SVOPL: variants seen among roughly 807,000 people sequenced by gnomAD.
The protein encoded by SVOPL is putative transporter SVOPL.
A neutral mutation model predicts 61.0 loss-of-function variants in SVOPL; 60 were observed. The ratio of observed to expected loss-of-function variants is 0.98; its 90% confidence interval spans 0.80 to 1.22. SVOPL has a LOEUF of 1.22. Ranked by LOEUF, SVOPL falls within the 50% of genes most tolerant of loss-of-function variation. The pLI is 0.00. For missense variants in SVOPL, 662 were observed against 643.9 expected, an observed-to-expected ratio of 1.03 and a Z score of -0.30; for synonymous variants, 279 against 250.0, an observed-to-expected ratio of 1.12 and a Z score of -1.09.
chr7:138,640,827 T>C (rs1352823861), intron 9 of SVOPL, among the ~76,000 whole-genome samples: 1 of 152,118 alleles, frequency 6.6e-6, no homozygotes, highest in Non-Finnish European at 1.5e-5. Flanking sequence ...ACTGCCTGGA[T>C]GACAGGATCA....
intron 14 of SVOPL, among the ~76,000 whole-genome samples, chr7:138,606,591 T>C (rs561065250): frequency 6.6e-6 from 1 of 152,222 alleles, no homozygotes; most frequent in African/African-American, 2.4e-5. Context: ...CAAAGGCATC[T>C]CCACATTGGG....
At chr7:138,687,027 C>T (rs1010640450) in intron 1 of SVOPL, among the ~76,000 whole-genome samples, 11 of 152,096 alleles carry the variant, frequency 7.2e-5, no homozygotes, top group Non-Finnish European at 1.5e-4. Flanking sequence ...TTCTCCCTCT[C>T]AAGAGCGAAC....
chr7:138,609,719 T>C (rs370695475), intron 14 of SVOPL, among the ~76,000 whole-genome samples: 6 of 55,016 alleles, frequency 1.1e-4, no homozygotes, highest in African/African-American at 3.2e-4. Context: ...GTTTTTTTTT[T>C]GGGGGGGGTG....
intron 1 of SVOPL, among the ~76,000 whole-genome samples, chr7:138,693,685 AAAG>A (rs1412109908): frequency 2.6e-5 from 4 of 151,854 alleles, no homozygotes; most frequent in Non-Finnish European, 5.9e-5. Context: ...GCGAGGAAGG[AAAG>A]AAGGAAGGAA....
rs1440941274 is a variant in SVOPL at position 138,656,442 on chromosome 7, C to A, written c.534+6G>T. 1 of 1,613,770 alleles carries A rather than the reference C, an allele frequency of 6.2e-7. No homozygotes were observed. The highest frequency in any genetic ancestry group is 1.1e-5 in the South Asian group (1 of 91,038). ...AAAGGCAGGTAGAACTCCTACGTTG[C>A]CTTACCTGAGACAAGGGTAACATAT... On this transcript the variant is annotated splice_donor_region_variant and intron_variant, in intron 7 of 15. Coordinates refer to ENST00000674285, the MANE Select transcript of SVOPL (RefSeq NM_001139456.2).
intron 9 of SVOPL, among the ~76,000 whole-genome samples, chr7:138,644,416 C>T (rs1246642236): frequency 6.6e-6 from 1 of 151,880 alleles, no homozygotes; most frequent in Non-Finnish European, 1.5e-5. Context: ...AAAACAAGGC[C>T]AGTACAAAAA....
At position 138,621,062 on chromosome 7, in the gene SVOPL, G is replaced by A. The variant is rs760056897; in HGVS notation, c.1337C>T (p.Ala446Val). Residue 446 changes from alanine to valine, a missense_variant, in exon 14 of 16, where the codon GCA becomes GTA. Physicochemically the swap from Ala to Val is moderately conservative, Grantham distance 64. Transcript: ENST00000674285. ...GSLCRIGAMV[A>V]PFISQVLMSA... ...TGGCTGTACCTGGGATATAAATGGT[G>A]CCACCATTGCACCAATGCGACACAG... is the stretch of plus-strand genomic sequence containing the variant. 7.1e-5 allele frequency: 114 copies of A among 1,613,408 alleles called. No homozygotes were observed. Among genetic ancestry groups the A allele is most frequent in the Non-Finnish European group, 8.8e-5 (104 of 1,179,800 alleles).
At chr7:138,629,127 A>ATATGTGTGTGTG (rs1554459931) in intron 10 of SVOPL, among the ~76,000 whole-genome samples, 1 of 66,098 alleles carries the variant, frequency 1.5e-5, no homozygotes, top group Non-Finnish European at 3.3e-5. Flanking sequence ...TGTTTTATAT[A>ATATGTGTGTGTG]TGTGTGTGTG....
At chr7:138,621,208 T>A in intron 13 of SVOPL, 73 bp from the exon 14 acceptor site, 1 of 1,329,836 alleles carries the variant, frequency 7.5e-7, no homozygotes, top group African/African-American at 1.5e-5. Flanking sequence ...TTCCCCTTCC[T>A]CCCCAGGTCA....
chr7:138,648,814 C>CG (rs1801270121), intron 8 of SVOPL, among the ~76,000 whole-genome samples, 198 bp downstream of exon 8: 2 of 151,974 alleles, frequency 1.3e-5, no homozygotes, highest in South Asian at 4.2e-4. Flanking sequence ...CCCAGCTACT[C>CG]GGGAGGCTGA....
chr7:138,671,698 T>C (rs1283697684), intron 4 of SVOPL, among the ~76,000 whole-genome samples: 2 of 152,208 alleles, frequency 1.3e-5, no homozygotes, highest in Non-Finnish European at 2.9e-5. Flanking sequence ...AGTAACAGTA[T>C]AATTCAGCGA....
intron 5 of SVOPL, chr7:138,662,655 G>A: frequency 1.0e-6 from 1 of 1,002,646 alleles, no homozygotes; most frequent in Non-Finnish European, 1.2e-6. Flanking sequence ...GAGAACAGAT[G>A]TGTGCCCCCA....
chr7:138,600,149 G>A (rs957217102), intron 14 of SVOPL, among the ~76,000 whole-genome samples: 3 of 152,074 alleles, frequency 2.0e-5, no homozygotes, highest in Non-Finnish European at 1.5e-5. Context: ...ATGATACATG[G>A]CTAATAGCCT....
chr7:138,631,969 CACACACACACACACAT>C (rs943059616), intron 9 of SVOPL, among the ~76,000 whole-genome samples: 5 of 151,838 alleles, frequency 3.3e-5, no homozygotes, highest in Admixed American at 6.6e-5. Context: ...ATCACACACA[CACACACACACACACAT>C]ACACACACCC....
intron 1 of SVOPL, chr7:138,688,986 T>G: frequency 1.5e-6 from 1 of 648,012 alleles, no homozygotes; most frequent in Non-Finnish European, 2.9e-6. Flanking sequence ...TGAAATGGTT[T>G]GCTATTCACT....
intron 14 of SVOPL, among the ~76,000 whole-genome samples, chr7:138,599,873 G>C (rs1171393726): frequency 7.2e-6 from 1 of 139,438 alleles, no homozygotes; most frequent in Non-Finnish European, 1.5e-5. Flanking sequence ...GGACGATGGA[G>C]CGAGACTCCG....
chr7:138,661,491 G>T, intron 5 of SVOPL: 1 of 980,384 alleles, frequency 1.0e-6, no homozygotes, highest in African/African-American at 1.7e-5. Context: ...TCACATTCCC[G>T]CACCCATGCC....
intron 1 of SVOPL, among the ~76,000 whole-genome samples, chr7:138,692,689 A>C (rs1348562534): frequency 1.3e-5 from 2 of 152,214 alleles, no homozygotes; most frequent in Non-Finnish European, 2.9e-5. Context: ...ACCGCTAGAG[A>C]AATAAATAGA....
At chr7:138,674,200 T>TACACAC (rs35935791) in intron 3 of SVOPL, among the ~76,000 whole-genome samples, 1 of 149,290 alleles carries the variant, frequency 6.7e-6, no homozygotes, top group African/African-American at 2.5e-5. Context: ...AGAAAACACA[T>TACACAC]ACACACACAC....
Sources: gnomAD v4.1 joint callset for allele counts (sites outside exome capture counted in the v4.1 genomes callset) on GRCh38, gnomAD v4.1.1 for gene constraint, MANE v1.5 for transcripts, NCBI Gene and HGNC (gene_info 2026-07-23, HGNC 2026-07-21) for gene names.